The following USP35 variants were observed in gnomAD, a reference collection of about 807,000 sequenced individuals.
USP35 encodes ubiquitin carboxyl-terminal hydrolase 35.
A neutral mutation model predicts 83.8 loss-of-function variants in USP35; 69 were observed. The observed-to-expected ratio is 0.82, with a 90% CI of 0.68 to 1.01. USP35 has a LOEUF of 1.01. Among genes scored for constraint, USP35 ranks in the 50% least tolerant of loss-of-function variants. The probability of loss-of-function intolerance (pLI) is 0.00; values close to 1 mark genes in which losing one functional copy is unlikely to be tolerated. For synonymous variants in USP35, 714 were observed against 589.5 expected, an observed-to-expected ratio of 1.21 and a Z score of -3.06; for missense variants, 1,503 against 1,362.5, an observed-to-expected ratio of 1.10 and a Z score of -1.62.
chr11:78,216,311 G>C (rs756554948), downstream of USP35: 13 of 152,172 alleles, frequency 8.5e-5, no homozygotes, highest in African/African-American at 1.2e-4. Context: ...GTGCTGAGTG[G>C]GAAGGTATCC....
chr11:78,213,562 T>TTGAAAGGTGTTGTGC, intron 10 of USP35, 84 bp from the exon 11 acceptor site: 1 of 1,385,332 alleles, frequency 7.2e-7, no homozygotes, highest in Non-Finnish European at 9.4e-7. Flanking sequence ...AGAGGAAACA[T>TTGAAAGGTGTTGTGC]TGAAAGGTGT....
chr11:78,191,420 G>T (rs1388699460), intron 1 of USP35, among the ~76,000 whole-genome samples: 1 of 152,240 alleles, frequency 6.6e-6, no homozygotes, highest in Non-Finnish European at 1.5e-5. Context: ...GCAAGGGCTT[G>T]GGAGGAGCAG....
intron 10 of USP35, among the ~76,000 whole-genome samples, chr11:78,212,202 T>C (rs1212785442): frequency 6.6e-6 from 1 of 152,238 alleles, no homozygotes; most frequent in Non-Finnish European, 1.5e-5. Flanking sequence ...AGGGAATCTT[T>C]TACCCATTGC....
At chr11:78,221,540 T>C in the USP35 span, 1 of 492,222 alleles carries the variant, frequency 2.0e-6, no homozygotes, top group Non-Finnish European at 3.8e-6. Context: ...GAAGGGTTTG[T>C]AGCAGGAGAC....
downstream of USP35, chr11:78,219,344 G>C: frequency 6.2e-7 from 1 of 1,613,920 alleles, no homozygotes; most frequent in Non-Finnish European, 8.5e-7. Context: ...TGTTCTGCAG[G>C]GCCTGGGTCT....
At chr11:78,230,009 G>C in the USP35 span, among the ~76,000 whole-genome samples, 2 of 152,078 alleles carry the variant, frequency 1.3e-5, no homozygotes, top group African/African-American at 4.8e-5. Flanking sequence ...ACCTATATTA[G>C]GCACCATTAC....
chr11:78,220,230 G>C, downstream of USP35: 1 of 1,390,802 alleles, frequency 7.2e-7, no homozygotes, highest in Non-Finnish European at 1.0e-6. Context: ...GAGTGCTGCT[G>C]TTCAGTGTTG....
the USP35 span, chr11:78,220,390 T>C: frequency 3.1e-6 from 5 of 1,612,552 alleles, no homozygotes; most frequent in Non-Finnish European, 4.2e-6. Context: ...GTGCTCTTCT[T>C]AGGGGCAGGA....
chr11:78,220,195 TG>T, downstream of USP35: 2 of 942,666 alleles, frequency 2.1e-6, no homozygotes, highest in Non-Finnish European at 3.2e-6. Context: ...TCATAAAAGC[TG>T]GGTACTGGAG....
At chr11:78,205,748 G>T (rs1234998383) in intron 6 of USP35, 94 bp from the exon 7 acceptor site, 3 of 1,399,346 alleles carry the variant, frequency 2.1e-6, no homozygotes, top group Non-Finnish European at 2.9e-6. Flanking sequence ...CCTTGGGGTT[G>T]GCTGTATCTG....
intron 1 of USP35, among the ~76,000 whole-genome samples, chr11:78,195,109 G>A (rs1174769918): frequency 6.6e-6 from 1 of 152,102 alleles, no homozygotes; most frequent in Non-Finnish European, 1.5e-5. Flanking sequence ...AGGTGTGCAG[G>A]GCTGGAGCGC....
At chr11:78,235,286 G>A in the USP35 span, among the ~76,000 whole-genome samples, 5 of 151,766 alleles carry the variant, frequency 3.3e-5, no homozygotes, top group Non-Finnish European at 7.4e-5. Context: ...CCGAGTAGCT[G>A]GGACTAAAGG....
At position 78,198,078 on chromosome 11, in the gene USP35, T is replaced by G; in HGVS notation, c.806+10T>G. The G allele has an allele frequency of 6.2e-7, 1 of 1,614,070 alleles. No homozygotes were observed. Among genetic ancestry groups the G allele is most frequent in the Non-Finnish European group, 8.5e-7 (1 of 1,179,982 alleles). On this transcript the variant is annotated intron_variant, in intron 3 of 10. Transcript: ENST00000529308. ...TGACTGCCATTAGCAGGTGGGACGC[T>G]GAGGCTGAGCCATGATCAGGGCTGG...
At chr11:78,198,108 C>A (rs377018704) in intron 3 of USP35, 40 bp downstream of exon 3, 1 of 1,611,820 alleles carries the variant, frequency 6.2e-7, no homozygotes, top group South Asian at 1.1e-5. Flanking sequence ...GGCTGGGGCC[C>A]CTCCCTCTCT....
rs938959445 is a variant in USP35 at position 78,214,294 on chromosome 11, T to TGG, written c.*486_*487dup. The TGG allele has an allele frequency of 3.8e-5, 4 of 106,452 alleles. No individual in the cohort carries two copies. The highest frequency in any genetic ancestry group is 7.3e-5 in the Non-Finnish European group (4 of 54,842). 6.6% of individuals were successfully genotyped at this position (106,452 alleles called of 1,614,324 possible). A position where few individuals can be genotyped will look rare whatever the true frequency, so the allele number is the denominator to read the frequency against. Reference sequence around the variant, plus strand: ...TGTTTGTTTGTTTCTCATATGGGGGTGGGGGGTACCTGCACTGTCTGTACC... The same window carrying TGG: ...TGTTTGTTTGTTTCTCATATGGGGGTGGGGGGGGTACCTGCACTGTCTGTACC... On this transcript the variant is annotated 3_prime_UTR_variant, in exon 11 of 11. Transcript: ENST00000529308.
the USP35 span, chr11:78,226,808 A>T: frequency 2.5e-6 from 4 of 1,614,010 alleles, no homozygotes; most frequent in South Asian, 4.4e-5. Flanking sequence ...CATCCTCATT[A>T]TCTGTCTCGG....
downstream of USP35, chr11:78,219,107 C>A: frequency 1.5e-6 from 1 of 651,956 alleles, no homozygotes; most frequent in Admixed American, 2.9e-5. Flanking sequence ...AGGCCCTCAC[C>A]TCCCAGGGGA....
chr11:78,235,277 C>T, the USP35 span, among the ~76,000 whole-genome samples: 901 of 151,928 alleles, frequency 5.9e-3, 6 homozygotes, highest in African/African-American at 0.021. Flanking sequence ...CTCAGTCTCC[C>T]GAGTAGCTGG....
Position 78,196,608 on chromosome 11 carries a change from C to T in USP35, c.363C>T (p.Phe121=). The stretch of plus-strand genomic sequence containing the variant: ...AGGGGCCTGCGGCCGACGAGGTGTT[C>T]GCGCTGCTGCGGCGCGAGGTGCTGC... ...LPEGPAADEV[F]ALLRREVLRT... is the part of the protein sequence containing the mutation. Residue 121 remains phenylalanine, a synonymous_variant, in exon 2 of 11, where the codon TTC becomes TTT. Transcript: ENST00000529308. This position sits in a 1 kb window ranked among gnomAD's most constrained non-coding sequence, Gnocchi z 4.8. 1.6e-6 allele frequency: 2 copies of T among 1,279,248 alleles called. No individual in the cohort carries two copies. The highest frequency in any genetic ancestry group is 2.0e-6 in the Non-Finnish European group (2 of 1,014,704). The allele number at this position is 1,279,248 out of a possible 1,614,324, so 79.2% of individuals were successfully genotyped here. A position where few individuals can be genotyped will look rare whatever the true frequency, so the allele number is the denominator to read the frequency against.
Sources: gnomAD v4.1 joint callset for allele counts (sites outside exome capture counted in the v4.1 genomes callset) on GRCh38, gnomAD v4.1.1 for gene constraint, Gnocchi (gnomAD v3.1) non-coding constraint, MANE v1.5 for transcripts, NCBI Gene and HGNC (gene_info 2026-07-23, HGNC 2026-07-21) for gene names.